P2RX1: variants seen among roughly 807,000 people sequenced by gnomAD.
The protein encoded by P2RX1 is purinergic receptor P2X 1, also known as P2X purinoceptor 1.
A neutral mutation model predicts 50.3 loss-of-function variants in P2RX1; 42 were observed. That is an observed-to-expected ratio of 0.83 (90% CI 0.65 to 1.08). The LOEUF (loss-of-function observed/expected upper bound fraction) is 1.08, where lower values mean the gene tolerates loss of function less well. Among genes scored for constraint, P2RX1 ranks in the 50% least tolerant of loss-of-function variants. P2RX1 has a pLI of 0.00. For missense variants in P2RX1, 449 were observed against 529.0 expected (o/e 0.85, Z 1.48); for synonymous variants, 199 against 202.6 (o/e 0.98, Z 0.15).
intron 9 of P2RX1, among the ~76,000 whole-genome samples, 172 bp from the exon 10 acceptor site, chr17:3,898,721 C>T (rs1207201604): frequency 2.0e-5 from 3 of 152,212 alleles, no homozygotes; most frequent in Non-Finnish European, 2.9e-5. Context: ...GACCTTGGCT[C>T]TGCCTCCCTG....
At chr17:3,900,153 A>G (rs942129928) in intron 7 of P2RX1, among the ~76,000 whole-genome samples, 3 of 151,118 alleles carry the variant, frequency 2.0e-5, no homozygotes, top group Non-Finnish European at 4.4e-5. Flanking sequence ...GCACTCTCTC[A>G]AGAACAGACC....
Position 3,903,130 on chromosome 17 carries a change from C to G in P2RX1, c.747+72G>C. ...CACCGAGGAGACTTGGGAAGATGAACTGGGCCTAAAAAGCCTTTATCAGGA... is the reference window on the plus strand; with the variant it reads ...CACCGAGGAGACTTGGGAAGATGAAGTGGGCCTAAAAAGCCTTTATCAGGA... On this transcript the variant is annotated intron_variant, in intron 7 of 11. Transcript: ENST00000225538. The surrounding 1 kb of genome is among the most constrained non-coding windows in gnomAD (Gnocchi z 4.6). The G allele has an allele frequency of 6.2e-7, 1 of 1,601,720 alleles. No individual in the cohort carries two copies.
chr17:3,909,243 G>A (rs2056321425), intron 1 of P2RX1, among the ~76,000 whole-genome samples: 1 of 151,818 alleles, frequency 6.6e-6, no homozygotes, highest in South Asian at 2.1e-4. Context: ...TGTTGGTCAG[G>A]CTGGTCTGGA....
At position 3,903,525 on chromosome 17, in the gene P2RX1, C is replaced by A; in HGVS notation, c.605+26G>T. 1 of 1,611,542 alleles carries A rather than the reference C, an allele frequency of 6.2e-7. No homozygotes were observed. Among genetic ancestry groups the A allele is most frequent in the East Asian group, 2.2e-5 (1 of 44,874 alleles). ...CGGAGCGGCCCCGGCCAGCTGCCTG[C>A]ATTTCTGCCCGAATTTCCCACGCAC... On this transcript the variant is annotated intron_variant, in intron 6 of 11. Transcript: ENST00000225538. This position sits in a 1 kb window ranked among gnomAD's most constrained non-coding sequence, Gnocchi z 4.6.
At chr17:3,898,603 GA>G in intron 9 of P2RX1, 54 bp from the exon 10 acceptor site, 4 of 1,396,400 alleles carry the variant, frequency 2.9e-6, no homozygotes, top group Non-Finnish European at 4.1e-6. Flanking sequence ...GGCCCAGCTG[GA>G]AAAGGCCGGA....
At chr17:3,915,595 G>A (rs776075175) in intron 1 of P2RX1, 22 of 457,010 alleles carry the variant, frequency 4.8e-5, no homozygotes, top group South Asian at 3.3e-4. Flanking sequence ...GAATGTGAGA[G>A]TTTCTCTGCT....
chr17:3,898,379 G>C (rs1332932481), intron 10 of P2RX1, 105 bp downstream of exon 10: 4 of 933,490 alleles, frequency 4.3e-6, no homozygotes, highest in Non-Finnish European at 6.9e-6. Context: ...AAAAATGATA[G>C]ACAGTTAGGG....
chr17:3,911,314 T>TC (rs71144146), intron 1 of P2RX1, among the ~76,000 whole-genome samples: 4 of 150,962 alleles, frequency 2.6e-5, no homozygotes, highest in African/African-American at 9.7e-5. Flanking sequence ...TTTCTTTCTT[T>TC]TTTTTTGAAT....
At chr17:3,904,121 A>G (rs1261845020) in intron 4 of P2RX1, 97 bp from the exon 5 acceptor site, 98 of 1,124,174 alleles carry the variant, frequency 8.7e-5, no homozygotes, top group Non-Finnish European at 1.3e-4. Context: ...CCACTCAAGC[A>G]AAGGAGCCAA....
chr17:3,916,272 C>T lies in P2RX1; in HGVS notation c.-47G>A, dbSNP rs1462834220. The T allele has an allele frequency of 6.3e-7, 1 of 1,596,166 alleles. No homozygotes were observed. Among genetic ancestry groups the T allele is most frequent in the East Asian group, 2.2e-5 (1 of 44,646 alleles). Reference sequence around the variant, plus strand: ...AACTGAGCCCCCTGCACGGCCTCTGCTCTCAGGGTGAGCCGGGTGCCACCA... The same window carrying T: ...AACTGAGCCCCCTGCACGGCCTCTGTTCTCAGGGTGAGCCGGGTGCCACCA... On this transcript the variant is annotated 5_prime_UTR_variant, in exon 1 of 12. Transcript: ENST00000225538.
chr17:3,911,849 G>T (rs1408157181), intron 1 of P2RX1, among the ~76,000 whole-genome samples: 3 of 152,190 alleles, frequency 2.0e-5, no homozygotes, highest in Non-Finnish European at 2.9e-5. Context: ...CTGGAAGGGT[G>T]GGCACGCAAC....
Position 3,903,301 on chromosome 17 carries a change from G to A in P2RX1, c.648C>T (p.Thr216=), listed in dbSNP as rs2143997489. The change falls in exon 7 of 12, where the codon ACC becomes ACT. Residue 216 remains threonine (T), a synonymous_variant. Transcript: ENST00000225538. This position sits in a 1 kb window ranked among gnomAD's most constrained non-coding sequence, Gnocchi z 4.6. ...VEEVNAAHMK[T]CLFHKTLHPL... Reference sequence around the variant, plus strand: ...GGTGCAGGGTCTTGTGAAAGAGGCAGGTCTTCATGTGGGCAGCATTCACCT... The same window carrying A: ...GGTGCAGGGTCTTGTGAAAGAGGCAAGTCTTCATGTGGGCAGCATTCACCT... 2 of 1,614,192 alleles carry A rather than the reference G, an allele frequency of 1.2e-6. No individual in the cohort carries two copies. The highest frequency in any genetic ancestry group is 1.7e-6 in the Non-Finnish European group (2 of 1,180,034).
intron 1 of P2RX1, among the ~76,000 whole-genome samples, chr17:3,911,119 A>T (rs555032271): frequency 1.3e-5 from 2 of 150,320 alleles, no homozygotes; most frequent in Admixed American, 1.3e-4. Flanking sequence ...AGTAGCTGGG[A>T]CTGACTACAG....
At position 3,905,374 on chromosome 17, in the gene P2RX1, G is replaced by A. The variant is rs767744388; in HGVS notation, c.138-7C>T. 31 of 1,613,292 alleles carry A rather than the reference G, an allele frequency of 1.9e-5. No homozygotes were observed. The highest frequency in any genetic ancestry group is 5.0e-5 in the Admixed American group (3 of 60,028). ...CTCATAGAGAAACACCCACCTGTGC[G>A]GGTGGGGACAGAGGGGGAGTTGTGG... On this transcript the variant is annotated splice_polypyrimidine_tract_variant and splice_region_variant and intron_variant, in intron 1 of 11. Coordinates refer to ENST00000225538, the MANE Select transcript of P2RX1 (RefSeq NM_002558.4).
Position 3,897,210 on chromosome 17 carries a change from G to C in P2RX1, c.*604C>G, listed in dbSNP as rs1567646300. 1 of 158,650 alleles carries C rather than the reference G, an allele frequency of 6.3e-6. No individual in the cohort carries two copies. The highest frequency in any genetic ancestry group is 2.4e-5 in the African/African-American group (1 of 41,526). The allele number at this position is 158,650 out of a possible 1,614,324, so 9.8% of individuals were successfully genotyped here. A position where few individuals can be genotyped will look rare whatever the true frequency, so the allele number is the denominator to read the frequency against. On this transcript the variant is annotated 3_prime_UTR_variant, in exon 12 of 12. Coordinates refer to ENST00000225538, the MANE Select transcript of P2RX1 (RefSeq NM_002558.4). ...TCAGGAGGTCTGGGGGTGGGCCCAGGAGCTTGCATTGTCGATAAGTTCCCC... is the reference window on the plus strand; with the variant it reads ...TCAGGAGGTCTGGGGGTGGGCCCAGCAGCTTGCATTGTCGATAAGTTCCCC...
At chr17:3,907,755 C>T (rs568782271) in intron 1 of P2RX1, among the ~76,000 whole-genome samples, 6 of 152,306 alleles carry the variant, frequency 3.9e-5, no homozygotes, top group Admixed American at 1.3e-4. Flanking sequence ...GAGTCTGTCA[C>T]GCTGCCTCCA....
Position 3,907,968 on chromosome 17 carries a change from C to T in P2RX1, c.138-2601G>A, listed in dbSNP as rs78711836. On this transcript the variant is annotated intron_variant, in intron 1 of 11. Transcript: ENST00000225538. ...ACCTTCAGCCCCAACAGCTTAGCAA[C>T]GTTTCTATCTTTGCCCAAAACGAAC... Among the ~76,000 whole-genome samples the T allele has an allele frequency of 3.4e-3, 521 of 152,336 alleles. 4 individuals carry two copies. Among genetic ancestry groups the T allele is most frequent in the African/African-American group, 0.012 (498 of 41,568 alleles).
chr17:3,910,270 C>T (rs372294453), intron 1 of P2RX1, among the ~76,000 whole-genome samples: 3 of 152,302 alleles, frequency 2.0e-5, no homozygotes, highest in African/African-American at 4.8e-5. Context: ...CCACTGTGCC[C>T]GGCCTACGAA....
At chr17:3,899,598 C>G in intron 8 of P2RX1, 36 bp downstream of exon 8, 1 of 1,610,564 alleles carries the variant, frequency 6.2e-7, no homozygotes, top group South Asian at 1.1e-5. Flanking sequence ...CGCAGGACCA[C>G]AAGGAAGAAT....
Sources: allele counts gnomAD v4.1 joint callset (sites outside exome capture counted in the v4.1 genomes callset), GRCh38; gene constraint gnomAD v4.1.1; non-coding constraint Gnocchi (gnomAD v3.1); transcripts MANE v1.5; gene names NCBI Gene and HGNC (gene_info 2026-07-23, HGNC 2026-07-21).